Variants in NCAPH2 observed in about 807,000 individuals in gnomAD.
NCAPH2 encodes the protein non-SMC condensin II complex subunit H2, also known as condensin-2 complex subunit H2.
Under a neutral mutation model 88.6 loss-of-function variants are expected in NCAPH2, and 56 were observed. The ratio of observed to expected loss-of-function variants is 0.63; its 90% confidence interval spans 0.51 to 0.79. NCAPH2 has a LOEUF of 0.79. Ranked by LOEUF, NCAPH2 falls within the 30% of genes least tolerant of loss-of-function variation. The pLI, the probability that NCAPH2 is intolerant of heterozygous loss-of-function variation, is 0.00. For missense variants in NCAPH2, 794 were observed against 792.0 expected (o/e 1.00, Z -0.03); for synonymous variants, 378 against 313.6 (o/e 1.21, Z -2.17).
intron 1 of NCAPH2, among the ~76,000 whole-genome samples, chr22:50,509,033 C>T (rs1023961488): frequency 1.3e-5 from 2 of 152,226 alleles, no homozygotes; most frequent in East Asian, 1.9e-4. Flanking sequence ...CTCCATTCTA[C>T]CAAATCCAAG....
At chr22:50,520,189 T>C (rs1443558328) in intron 9 of NCAPH2, among the ~76,000 whole-genome samples, 1 of 151,030 alleles carries the variant, frequency 6.6e-6, no homozygotes, top group Non-Finnish European at 1.5e-5. Context: ...TGTTTTAAAG[T>C]TTTTCTTAGG....
chr22:50,509,505 T>TC (rs750877183), intron 1 of NCAPH2, among the ~76,000 whole-genome samples: 3 of 152,206 alleles, frequency 2.0e-5, no homozygotes, highest in Non-Finnish European at 1.5e-5. Flanking sequence ...ATCCATGAAT[T>TC]CCATCAGTTA....
chr22:50,511,822 A>G (rs909413922), intron 1 of NCAPH2, among the ~76,000 whole-genome samples: 3 of 135,684 alleles, frequency 2.2e-5, no homozygotes, highest in African/African-American at 8.0e-5. Flanking sequence ...ATTTTTTTGT[A>G]TTTTTCAGTA....
intron 9 of NCAPH2, chr22:50,519,571 C>T (rs1304667850): frequency 1.8e-5 from 23 of 1,275,320 alleles, no homozygotes; most frequent in African/African-American, 3.1e-5. Context: ...AGGATTTGAG[C>T]CCTGTCGAGC....
rs370082720 is a variant in NCAPH2, at chr22:50,522,613, T to G, written c.1375+44T>G. 16 of 1,613,480 alleles carry G rather than the reference T, an allele frequency of 9.9e-6. No homozygotes were observed. The Admixed American group carries it at 2.0e-4, about 20-fold the overall frequency. ...AGGAGTGCTGAGGGGCCACTGGAGC[T>G]GGGGGCAGGGGAGAGCGTGGCCCCT... On this transcript the variant is annotated intron_variant, in intron 16 of 19. Transcript: ENST00000420993.
chr22:50,516,650 A>G (rs1018992672), intron 2 of NCAPH2, 102 bp downstream of exon 2: 3 of 983,970 alleles, frequency 3.0e-6, no homozygotes, highest in Non-Finnish European at 4.7e-6. Context: ...TCTGTGACCT[A>G]CCTCCCTCTC....
In NCAPH2 at chr22:50,521,935, A is replaced by G. The variant is rs773729488; in HGVS notation, c.1109-51A>G. On this transcript the variant is annotated intron_variant, in intron 12 of 19. Coordinates refer to ENST00000420993, the MANE Select transcript of NCAPH2 (RefSeq NM_152299.4). Reference sequence around the variant, plus strand: ...GAGGAGGATCAGCACCCTTTTCCCAATGCTGTGGGCAGCTCTTGGCCTGGC... The same window carrying G: ...GAGGAGGATCAGCACCCTTTTCCCAGTGCTGTGGGCAGCTCTTGGCCTGGC... 8.7e-6 allele frequency: 14 copies of G among 1,613,708 alleles called. No individual in the cohort carries two copies. The South Asian group carries it at 1.5e-4, about 18-fold the overall frequency.
rs149354948 is a variant in NCAPH2 at position 50,515,854 on chromosome 22, A to C, written c.109-593A>C. The C allele has an allele frequency of 7.8e-4, 958 of 1,228,118 alleles. 8 individuals carry two copies. Among genetic ancestry groups the C allele is most frequent in the East Asian group, 3.8e-3 (66 of 17,494 alleles). 76.1% of individuals were successfully genotyped at this position (1,228,118 alleles called of 1,614,324 possible). On this transcript the variant is annotated intron_variant, in intron 1 of 19. Coordinates refer to ENST00000420993, the MANE Select transcript of NCAPH2 (RefSeq NM_152299.4). ...TATGAATGCAGCCCCAGAGCTAAGG[A>C]GAGAGAGCTGGTCGGGTTGGGTTTG...
intron 1 of NCAPH2, 88 bp downstream of exon 1, chr22:50,508,533 C>A: frequency 1.1e-6 from 1 of 883,384 alleles, no homozygotes; most frequent in Non-Finnish European, 1.6e-6. Context: ...GGGCGCCCCA[C>A]CGTCTCCACG....
intron 1 of NCAPH2, among the ~76,000 whole-genome samples, chr22:50,514,956 C>T (rs1286818485): frequency 1.3e-5 from 2 of 152,256 alleles, no homozygotes; most frequent in Non-Finnish European, 2.9e-5. Flanking sequence ...TCTCTGCTAG[C>T]TGCCTTCACG....
At chr22:50,522,463 G>A (rs2069134273) in intron 15 of NCAPH2, 38 bp from the exon 16 acceptor site, 12 of 1,613,424 alleles carry the variant, frequency 7.4e-6, no homozygotes, top group East Asian at 4.5e-5. Context: ...CTGCCGACTA[G>A]CTGCCTGCGT....
intron 1 of NCAPH2, among the ~76,000 whole-genome samples, chr22:50,510,727 G>A (rs1327565955): frequency 6.6e-6 from 1 of 152,176 alleles, no homozygotes; most frequent in East Asian, 1.9e-4. Flanking sequence ...ACCACGCCTG[G>A]CTGACTGAGT....
chr22:50,523,399 G>C lies in NCAPH2; in HGVS notation c.*24G>C. 6.5e-7 allele frequency: 1 copy of C among 1,532,392 alleles called. No individual in the cohort carries two copies. The highest frequency in any genetic ancestry group is 8.8e-7 in the Non-Finnish European group (1 of 1,138,482). The allele number at this position is 1,532,392 out of a possible 1,614,324, so 94.9% of individuals were successfully genotyped here. On this transcript the variant is annotated 3_prime_UTR_variant, in exon 20 of 20. Coordinates refer to ENST00000420993, the MANE Select transcript of NCAPH2 (RefSeq NM_152299.4). ...GAGTGGGGAGCACCGAGGCAGGGGT[G>C]GGGGAATGTGTACTGAGGAGCCGTG...
In NCAPH2 at chr22:50,521,005, A is replaced by T. The variant is rs2069072979; in HGVS notation, c.902A>T (p.Glu301Val). The change falls in exon 10 of 20, where the codon GAG (glutamate) becomes GTG (valine). Residue 301 changes from glutamate (E) to valine (V), a missense_variant. By Grantham distance (121) the Glu-to-Val change is moderately radical. This residue lies in a region of NCAPH2 where 735 missense variants were observed against 696.3 expected (regional missense o/e 1.06). Coordinates refer to ENST00000420993, the MANE Select transcript of NCAPH2 (RefSeq NM_152299.4). ...AGGAGGTACATGCTGCGGGAGCGGG[A>T]GGGGGCCCCAGAGCCTGCATCCTGC... ...LPRRYMLRER[E>V]GAPEPASCVK... 2 of 1,550,676 alleles carry T rather than the reference A, an allele frequency of 1.3e-6. No homozygotes were observed. Among genetic ancestry groups the T allele is most frequent in the Non-Finnish European group, 8.7e-7 (1 of 1,146,908 alleles).
At chr22:50,517,397 G>C (rs1467231567) in intron 2 of NCAPH2, 30 bp from the exon 3 acceptor site, 1 of 1,613,022 alleles carries the variant, frequency 6.2e-7, no homozygotes, top group Non-Finnish European at 8.5e-7. Flanking sequence ...CCTCCTTTCT[G>C]GGTCCTCACT....
Position 50,522,576 on chromosome 22 carries a change from G to A in NCAPH2, c.1375+7G>A, listed in dbSNP as rs1323669692. The A allele has an allele frequency of 6.2e-7, 1 of 1,613,732 alleles. No individual in the cohort carries two copies. The highest frequency in any genetic ancestry group is 8.5e-7 in the Non-Finnish European group (1 of 1,179,996). On this transcript the variant is annotated splice_region_variant and intron_variant, in intron 16 of 19. Transcript: ENST00000420993. ...AGGGAAGCCGCTGACCTTGGTAGGTGGGCAGCGGGCTAGGAGTGCTGAGGG... is the reference window on the plus strand; with the variant it reads ...AGGGAAGCCGCTGACCTTGGTAGGTAGGCAGCGGGCTAGGAGTGCTGAGGG...
chr22:50,518,402 C>G (rs2068989684), intron 7 of NCAPH2, 124 bp downstream of exon 7: 4 of 1,377,558 alleles, frequency 2.9e-6, no homozygotes, highest in Admixed American at 2.6e-5. Context: ...GGTGCCTGCT[C>G]TAGTCTAGAC....
At chr22:50,520,905 G>C in intron 9 of NCAPH2, 60 bp from the exon 10 acceptor site, 1 of 1,537,740 alleles carries the variant, frequency 6.5e-7, no homozygotes, top group Non-Finnish European at 8.8e-7. Context: ...AGTTCCTGGG[G>C]TACCCAGAGC....
intron 1 of NCAPH2, among the ~76,000 whole-genome samples, chr22:50,512,508 C>T (rs1250917870): frequency 2.0e-5 from 3 of 150,748 alleles, no homozygotes; most frequent in East Asian, 1.9e-4. Flanking sequence ...TTTCCACACA[C>T]TACCATGATG....
Sources: gnomAD v4.1 joint callset for allele counts (sites outside exome capture counted in the v4.1 genomes callset) on GRCh38, gnomAD v4.1.1 for gene constraint, gnomAD v4.1.1 regional missense constraint, MANE v1.5 for transcripts, NCBI Gene and HGNC (gene_info 2026-07-23, HGNC 2026-07-21) for gene names.